DSC2: variants seen among roughly 807,000 people sequenced by gnomAD.
The protein encoded by DSC2 is desmocollin-2.
DSC2 carries 51 observed loss-of-function variants against 87.6 expected under a neutral mutation model. That is an observed-to-expected ratio of 0.58 (90% CI 0.46 to 0.74). The LOEUF is 0.74. Among genes scored for constraint, DSC2 ranks in the 30% least tolerant of loss-of-function variants. The pLI, the probability that DSC2 is intolerant of heterozygous loss-of-function variation, is 0.00. For missense variants in DSC2, 1,066 were observed against 1,089.5 expected (o/e 0.98, Z 0.30); for synonymous variants, 383 against 393.2 (o/e 0.97, Z 0.31).
chr18:31,101,348 C>A, intron 1 of DSC2: 1 of 860,932 alleles, frequency 1.2e-6, no homozygotes, highest in Non-Finnish European at 1.4e-6. Flanking sequence ...CTTTTTCACC[C>A]AAGGACACTC....
Position 31,087,720 on chromosome 18 carries a change from T to C in DSC2, c.724A>G (p.Ile242Val), listed in dbSNP as rs1987449749. The part of the protein sequence containing the change: ...KIEDENDNYP[I>V]FTEETYTFTI... ...AAAGTATAAGTTTCTTCTGTAAAAA[T>C]TGGGTAGTTATCATTTTCATCCTCT... The change falls in exon 6 of 16, where the codon ATT (isoleucine) becomes GTT (valine). Residue 242 changes from isoleucine (I) to valine (V), a missense_variant. Physicochemically the swap from Ile to Val is conservative, Grantham distance 29. Coordinates refer to ENST00000280904, the MANE Select transcript of DSC2 (RefSeq NM_024422.6). The C allele has an allele frequency of 6.2e-7, 1 of 1,613,764 alleles. No individual in the cohort carries two copies. Among genetic ancestry groups the C allele is most frequent in the Non-Finnish European group, 8.5e-7 (1 of 1,179,878 alleles).
chr18:31,085,690 G>A (rs1475380419), intron 7 of DSC2, among the ~76,000 whole-genome samples: 2 of 151,880 alleles, frequency 1.3e-5, no homozygotes, highest in African/African-American at 4.8e-5. Flanking sequence ...AGGGATAGAG[G>A]AAGGAAGAGA....
At chr18:31,077,740 G>A (rs1987070404) in intron 11 of DSC2, among the ~76,000 whole-genome samples, 1 of 152,122 alleles carries the variant, frequency 6.6e-6, no homozygotes, top group Non-Finnish European at 1.5e-5. Context: ...GAAGTCACAT[G>A]AGGTGCACTA....
chr18:31,075,105 G>A (rs969366359), intron 11 of DSC2, among the ~76,000 whole-genome samples, 198 bp from the exon 12 acceptor site: 3 of 152,156 alleles, frequency 2.0e-5, no homozygotes, highest in African/African-American at 7.2e-5. Flanking sequence ...AACAATGACT[G>A]CTATTAAGAT....
intron 12 of DSC2, among the ~76,000 whole-genome samples, chr18:31,073,956 T>A (rs1986918129): frequency 6.6e-6 from 1 of 152,200 alleles, no homozygotes; most frequent in African/African-American, 2.4e-5. Flanking sequence ...GTGGTGTATA[T>A]CTGATCCCTT....
chr18:31,069,026 C>G lies in DSC2; in HGVS notation c.2376G>C (p.Gln792His). 1.9e-6 allele frequency: 3 copies of G among 1,614,032 alleles called. No individual in the cohort carries two copies. The South Asian group carries it at 3.3e-5, about 18-fold the overall frequency. ...CAGCCCCCCGGCAGGATTCCGAGGT[C>G]TGGTGTCCTCCTTTCACCATTTCGA... ...ETIEMVKGGHQTSESCRGAGH... is the reference protein window; with the variant it reads ...ETIEMVKGGHHTSESCRGAGH... Residue 792 changes from glutamine to histidine, a missense_variant, in exon 15 of 16, where the codon CAG (glutamine) becomes CAC (histidine). Gln to His is a conservative substitution (Grantham distance 24, BLOSUM62 0). Transcript: ENST00000280904.
intron 8 of DSC2, 74 bp downstream of exon 8, chr18:31,082,852 C>T (rs1987271362): frequency 3.2e-6 from 5 of 1,551,550 alleles, no homozygotes; most frequent in Non-Finnish European, 3.5e-6. Context: ...GCCACTGCGC[C>T]AGGCCAGAGA....
chr18:31,083,130 C>A (rs1987286457), intron 7 of DSC2, 70 bp from the exon 8 acceptor site: 1 of 1,546,084 alleles, frequency 6.5e-7, no homozygotes, highest in African/African-American at 1.4e-5. Flanking sequence ...TTACTTTACA[C>A]TCCATAATTT....
At position 31,065,218 on chromosome 18, in the gene DSC2, G is replaced by A. The variant is rs1308926492; in HGVS notation, c.*2797C>T. On this transcript the variant is annotated 3_prime_UTR_variant, in exon 16 of 16. Transcript: ENST00000280904. ...CATGAAATTCCCAAAGGCCATCACT[G>A]GTGAAATACTGGTCGGGCTTCTGGG... The A allele has an allele frequency of 6.6e-6, 1 of 152,146 alleles. No individual in the cohort carries two copies. Among genetic ancestry groups the A allele is most frequent in the Non-Finnish European group, 1.5e-5 (1 of 68,060 alleles). 9.4% of individuals were successfully genotyped at this position (152,146 alleles called of 1,614,324 possible). A position where few individuals can be genotyped will look rare whatever the true frequency, so the allele number is the denominator to read the frequency against.
At chr18:31,071,897 A>G in intron 12 of DSC2, 56 bp from the exon 13 acceptor site, 1 of 1,412,698 alleles carries the variant, frequency 7.1e-7, no homozygotes, top group South Asian at 1.2e-5. Context: ...ATTTCTTCTG[A>G]ACATAAATAA....
Position 31,083,047 on chromosome 18 carries a change from T to C in DSC2, c.956A>G (p.Tyr319Cys), listed in dbSNP as rs1224994761. The C allele has an allele frequency of 6.2e-7, 1 of 1,612,172 alleles. No homozygotes were observed. Among genetic ancestry groups the C allele is most frequent in the Non-Finnish European group, 8.5e-7 (1 of 1,179,352 alleles). Reference sequence around the variant, plus strand: ...GTCTTGTACTTTTATTTTCAACTGGTACTTGTCAATTAACTGAAAACAAAA... The same window carrying C: ...GTCTTGTACTTTTATTTTCAACTGGCACTTGTCAATTAACTGAAAACAAAA... ...SQLDRELIDK[Y>C]QLKIKVQDMD... Residue 319 changes from tyrosine (Y) to cysteine (C), a missense_variant, in exon 8 of 16, where the codon TAC becomes TGC. Coordinates refer to ENST00000280904, the MANE Select transcript of DSC2 (RefSeq NM_024422.6).
intron 11 of DSC2, among the ~76,000 whole-genome samples, chr18:31,077,087 T>C (rs1345422507): frequency 6.6e-6 from 1 of 151,924 alleles, no homozygotes; most frequent in Non-Finnish European, 1.5e-5. Flanking sequence ...TAGTAAAGGA[T>C]GTACTTCAGC....
At chr18:31,069,288 T>G (rs1335045106) in intron 14 of DSC2, 137 bp from the exon 15 acceptor site, 2 of 1,148,754 alleles carry the variant, frequency 1.7e-6, no homozygotes, top group Non-Finnish European at 2.5e-6. Flanking sequence ...GAACTAAATC[T>G]ATTTTGTGAA....
chr18:31,087,585 C>T (rs1263713318), intron 6 of DSC2, 84 bp downstream of exon 6: 2 of 1,471,334 alleles, frequency 1.4e-6, no homozygotes, highest in African/African-American at 2.8e-5. Flanking sequence ...CTGGGATACG[C>T]TGCTTCTCAA....
In DSC2 at chr18:31,075,782, G is replaced by A. The variant is rs1164516821; in HGVS notation, c.1664-875C>T. On this transcript the variant is annotated intron_variant, in intron 11 of 15. Transcript: ENST00000280904. ...AGAGAATCGCTTGAACCCGGGAGGC[G>A]GAGGTTGCAGTGAGCGGAGATCACA... is the stretch of plus-strand genomic sequence containing the variant. 3.9e-5 allele frequency among the ~76,000 whole-genome samples: 6 copies of A among 152,036 alleles called. No individual in the cohort carries two copies. The East Asian group carries it at 1.2e-3, about 29-fold the overall frequency.
rs1025726069 is a variant in DSC2 at position 31,060,927 on chromosome 18, A to G, written c.*7088T>C. On this transcript the variant is annotated 3_prime_UTR_variant, in exon 16 of 16. Transcript: ENST00000280904. ...TCTAGCATTTTGCTTAATATGTTTTATATGAAAAGGCAAATTTTAAATACT... is the reference window on the plus strand; with the variant it reads ...TCTAGCATTTTGCTTAATATGTTTTGTATGAAAAGGCAAATTTTAAATACT... 1 of 152,230 alleles carries G rather than the reference A, an allele frequency of 6.6e-6. No homozygotes were observed. The highest frequency in any genetic ancestry group is 1.9e-4 in the East Asian group (1 of 5,190). The allele number at this position is 152,230 out of a possible 1,614,324, so 9.4% of individuals were successfully genotyped here. A position where few individuals can be genotyped will look rare whatever the true frequency, so the allele number is the denominator to read the frequency against.
At chr18:31,081,108 AT>A (rs1016490574) in intron 9 of DSC2, among the ~76,000 whole-genome samples, 1 of 152,156 alleles carries the variant, frequency 6.6e-6, no homozygotes, top group Non-Finnish European at 1.5e-5. Context: ...TACAAAATAA[AT>A]TTTAGGACAG....
chr18:31,100,561 G>A (rs1219488773), intron 1 of DSC2, among the ~76,000 whole-genome samples: 1 of 152,150 alleles, frequency 6.6e-6, no homozygotes, highest in East Asian at 1.9e-4. Context: ...AATATGCCCT[G>A]AGAATTCAGT....
In DSC2 at chr18:31,095,349, T is replaced by A. The variant is rs547723829; in HGVS notation, c.70-1706A>T. On this transcript the variant is annotated intron_variant, in intron 1 of 15. Transcript: ENST00000280904. ...GGCAAATGATGTAGGGTCTAAAAGGTCATGGTAAGGAGTGCAGATTTTGTT... is the reference window on the plus strand; with the variant it reads ...GGCAAATGATGTAGGGTCTAAAAGGACATGGTAAGGAGTGCAGATTTTGTT... Among the ~76,000 whole-genome samples the A allele has an allele frequency of 2.6e-5, 4 of 152,118 alleles. No homozygotes were observed. In the East Asian group the frequency reaches 7.8e-4, roughly 30 times the overall value.
Sources: allele counts gnomAD v4.1 joint callset (sites outside exome capture counted in the v4.1 genomes callset), GRCh38; gene constraint gnomAD v4.1.1; transcripts MANE v1.5; gene names NCBI Gene and HGNC (gene_info 2026-07-23, HGNC 2026-07-21).